The following DLG2 variants were observed in gnomAD, a reference collection of about 807,000 sequenced individuals.
DLG2 encodes disks large homolog 2.
Under a neutral mutation model 132.5 loss-of-function variants are expected in DLG2, and 45 were observed. That is an observed-to-expected ratio of 0.34 (90% CI 0.27 to 0.44). The LOEUF (loss-of-function observed/expected upper bound fraction) is 0.44. DLG2 is among the 20% of genes least tolerant of loss of function. DLG2 has a pLI of 1.00. For synonymous variants in DLG2, 424 were observed against 419.6 expected (o/e 1.01, Z -0.13); for missense variants, 1,045 against 1,196.9 (o/e 0.87, Z 1.87).
chr11:84,416,581 A>G (rs1353726103), intron 7 of DLG2, among the ~76,000 whole-genome samples: 3 of 152,200 alleles, frequency 2.0e-5, no homozygotes, highest in Non-Finnish European at 4.4e-5. Flanking sequence ...ACGATTAAAA[A>G]CATGTGGTTT....
At chr11:84,648,745 C>G (rs903339693) in intron 6 of DLG2, among the ~76,000 whole-genome samples, 1 of 150,764 alleles carries the variant, frequency 6.6e-6, no homozygotes, top group African/African-American at 2.5e-5. Flanking sequence ...CTCTCTCTCT[C>G]CTTCTCTCTC....
chr11:84,697,081 A>G (rs2058695104), intron 6 of DLG2, among the ~76,000 whole-genome samples: 1 of 151,416 alleles, frequency 6.6e-6, no homozygotes. Flanking sequence ...GGGAGAGATA[A>G]AAGTTATTTC....
chr11:85,540,045 A>G (rs2075859691), intron 3 of DLG2, among the ~76,000 whole-genome samples: 1 of 152,164 alleles, frequency 6.6e-6, no homozygotes, highest in Non-Finnish European at 1.5e-5. Context: ...AAGTGCTACA[A>G]CCAATTCCCT....
At chr11:85,477,914 G>A (rs1565552809) in intron 3 of DLG2, among the ~76,000 whole-genome samples, 1 of 152,052 alleles carries the variant, frequency 6.6e-6, no homozygotes, top group Non-Finnish European at 1.5e-5. Flanking sequence ...TGTCCACAAG[G>A]TTCTTAGCAC....
At chr11:84,181,361 T>C (rs1422741775) in intron 8 of DLG2, among the ~76,000 whole-genome samples, 1 of 151,706 alleles carries the variant, frequency 6.6e-6, no homozygotes, top group East Asian at 1.9e-4. Flanking sequence ...ATAATTGATA[T>C]ATTAATAAAG....
chr11:83,581,152 T>C (rs1286564934), intron 19 of DLG2, among the ~76,000 whole-genome samples: 1 of 151,952 alleles, frequency 6.6e-6, no homozygotes. Flanking sequence ...GGCACTCCTA[T>C]GCCCAATATG....
In DLG2 at chr11:85,196,420, G is replaced by A. The variant is rs545274348; in HGVS notation, c.187-41769C>T. 4.6e-5 allele frequency among the ~76,000 whole-genome samples: 7 copies of A among 152,250 alleles called. No homozygotes were observed. The East Asian group carries it at 1.2e-3, about 25-fold the overall frequency. Reference sequence around the variant, plus strand: ...CAATCCTAACTGAGAAAATAGGTGAGCCAGGCAGTGGTGTCCTGGTCAGTG... The same window carrying A: ...CAATCCTAACTGAGAAAATAGGTGAACCAGGCAGTGGTGTCCTGGTCAGTG... On this transcript the variant is annotated intron_variant, in intron 4 of 27. Transcript: ENST00000376104.
chr11:83,822,034 T>C (rs1405692816), intron 17 of DLG2, among the ~76,000 whole-genome samples: 2 of 152,134 alleles, frequency 1.3e-5, no homozygotes, highest in Non-Finnish European at 2.9e-5. Context: ...TCAAAGTTGA[T>C]AGAATCTATG....
chr11:84,856,565 A>G (rs2082817365), intron 6 of DLG2, among the ~76,000 whole-genome samples: 1 of 152,066 alleles, frequency 6.6e-6, no homozygotes, highest in African/African-American at 2.4e-5. Flanking sequence ...TTCCATCTTT[A>G]TCACTATTTA....
intron 16 of DLG2, among the ~76,000 whole-genome samples, chr11:83,865,232 A>G (rs912222086): frequency 2.0e-5 from 3 of 152,158 alleles, no homozygotes; most frequent in African/African-American, 7.2e-5. Flanking sequence ...CTAGTAGTGC[A>G]GGAGACAGCC....
intron 6 of DLG2, among the ~76,000 whole-genome samples, chr11:84,892,796 C>T (rs1216314632): frequency 6.6e-6 from 1 of 151,998 alleles, no homozygotes; most frequent in Non-Finnish European, 1.5e-5. Flanking sequence ...TTTCAAAATT[C>T]CCACATGCCC....
chr11:84,331,071 T>G (rs1026713149), intron 7 of DLG2, among the ~76,000 whole-genome samples: 1 of 152,200 alleles, frequency 6.6e-6, no homozygotes, highest in Admixed American at 6.5e-5. Flanking sequence ...ATTTTTGCCT[T>G]AATTATATTT....
At chr11:85,623,363 G>A (rs766008969) in intron 2 of DLG2, among the ~76,000 whole-genome samples, 2 of 151,594 alleles carry the variant, frequency 1.3e-5, no homozygotes, top group African/African-American at 2.4e-5. Flanking sequence ...GGAGTGCAGC[G>A]GCACAGTCTT....
At chr11:83,594,635 G>T (rs1196121411) in intron 19 of DLG2, among the ~76,000 whole-genome samples, 7 of 152,160 alleles carry the variant, frequency 4.6e-5, no homozygotes, top group African/African-American at 1.7e-4. Flanking sequence ...GAGAAGCCAT[G>T]TATAAAGGAT....
intron 6 of DLG2, among the ~76,000 whole-genome samples, chr11:84,806,605 A>T (rs535980273): frequency 1.3e-5 from 2 of 152,346 alleles, no homozygotes; most frequent in East Asian, 3.9e-4. Context: ...TCAGGAATTA[A>T]AAGGAATTTA....
chr11:83,526,684 G>T (rs1049161904), intron 21 of DLG2, among the ~76,000 whole-genome samples: 3 of 152,146 alleles, frequency 2.0e-5, no homozygotes, highest in Non-Finnish European at 4.4e-5. Context: ...CATCAAAACT[G>T]ACTTGAGTCT....
chr11:85,178,850 G>A (rs2079502811), intron 4 of DLG2, among the ~76,000 whole-genome samples: 2 of 151,948 alleles, frequency 1.3e-5, no homozygotes, highest in East Asian at 1.9e-4. Context: ...ATAAAGAGCT[G>A]TACAAAAGCA....
intron 6 of DLG2, chr11:84,640,531 C>A: frequency 5.7e-6 from 2 of 351,034 alleles, no homozygotes; most frequent in South Asian, 4.9e-5. Context: ...ATCTATGTGT[C>A]TGAAAAAGGA....
At chr11:83,994,517 G>C (rs2093916025) in intron 11 of DLG2, among the ~76,000 whole-genome samples, 1 of 152,088 alleles carries the variant, frequency 6.6e-6, no homozygotes, top group Non-Finnish European at 1.5e-5. Flanking sequence ...CTATAGGTGA[G>C]CACCACTGTA....
Sources: gnomAD v4.1 joint callset for allele counts (sites outside exome capture counted in the v4.1 genomes callset) on GRCh38, gnomAD v4.1.1 for gene constraint, MANE v1.5 for transcripts, NCBI Gene and HGNC (gene_info 2026-07-23, HGNC 2026-07-21) for gene names.